PDE7B: variants seen among roughly 807,000 people sequenced by gnomAD.
PDE7B encodes phosphodiesterase 7B.
PDE7B carries 29 observed loss-of-function variants against 56.2 expected under a neutral mutation model. The ratio of observed to expected loss-of-function variants is 0.52; its 90% CI spans 0.38 to 0.70. The LOEUF (loss-of-function observed/expected upper bound fraction) is 0.70. Ranked by LOEUF, PDE7B falls within the 30% of genes least tolerant of loss-of-function variation. The pLI is 0.00. For missense variants in PDE7B, 490 were observed against 565.0 expected (o/e 0.87, Z 1.35); for synonymous variants, 197 against 196.9 (o/e 1.00, Z 0.00).
Position 136,143,668 on chromosome 6 carries a change from T to C in PDE7B, c.167-3683T>C, listed in dbSNP as rs543236879. ...GCTGTTTTCTTCTTTGTTGTAAAGA[T>C]AAAAACAGATCTAAACTTAATATCT... On this transcript the variant is annotated intron_variant, in intron 3 of 12. Transcript: ENST00000308191. Among the ~76,000 whole-genome samples, 360 of 152,222 alleles carry C rather than the reference T, an allele frequency of 2.4e-3. 2 individuals carry two copies. Among genetic ancestry groups the C allele is most frequent in the African/African-American group, 8.1e-3 (337 of 41,558 alleles).
chr6:135,922,438 G>A (rs1200347646), intron 1 of PDE7B, among the ~76,000 whole-genome samples: 1 of 152,128 alleles, frequency 6.6e-6, no homozygotes, highest in Non-Finnish European at 1.5e-5. Context: ...TTATTCATAT[G>A]GAAGTACAGG....
intron 2 of PDE7B, among the ~76,000 whole-genome samples, chr6:135,947,877 A>C (rs1445676061): frequency 2.0e-5 from 3 of 152,090 alleles, no homozygotes; most frequent in African/African-American, 7.2e-5. Context: ...TAGACAAGTA[A>C]ATTATTAAGT....
intron 2 of PDE7B, among the ~76,000 whole-genome samples, chr6:135,979,707 G>C (rs930467438): frequency 5.9e-5 from 9 of 152,064 alleles, no homozygotes; most frequent in Non-Finnish European, 1.0e-4. Flanking sequence ...GCTTCAAAGA[G>C]AATAAAATAC....
intron 2 of PDE7B, among the ~76,000 whole-genome samples, chr6:136,106,493 T>C (rs1777647068): frequency 1.3e-5 from 2 of 152,214 alleles, no homozygotes; most frequent in South Asian, 4.1e-4. Flanking sequence ...CCACTGACTA[T>C]AAGCTGAAAG....
chr6:135,937,884 A>G (rs911924278), intron 1 of PDE7B, among the ~76,000 whole-genome samples: 2 of 152,186 alleles, frequency 1.3e-5, no homozygotes, highest in Non-Finnish European at 2.9e-5. Context: ...TGTGCTTTGT[A>G]TCTTGTACAC....
At chr6:135,929,604 A>G (rs569961386) in intron 1 of PDE7B, among the ~76,000 whole-genome samples, 16 of 152,212 alleles carry the variant, frequency 1.1e-4, no homozygotes, top group African/African-American at 3.4e-4. Context: ...TTTCCTTTTT[A>G]TAATGCAGCT....
At chr6:135,863,690 C>T (rs1176111903) in intron 1 of PDE7B, among the ~76,000 whole-genome samples, 3 of 141,494 alleles carry the variant, frequency 2.1e-5, no homozygotes, top group Non-Finnish European at 4.5e-5. Context: ...ACATCCCTTC[C>T]AATTTTTTTT....
chr6:136,191,980 C>A lies in PDE7B; in HGVS notation c.*140C>A. 7.6e-6 allele frequency: 5 copies of A among 655,282 alleles called. No individual in the cohort carries two copies. The South Asian group carries it at 9.6e-5, about 13-fold the overall frequency. The allele number at this position is 655,282 out of a possible 1,614,324, so 40.6% of individuals were successfully genotyped here. A position where few individuals can be genotyped will look rare whatever the true frequency, so the allele number is the denominator to read the frequency against. ...TCTTTGGAACGCCATCTTCCTCCCA[C>A]TTACCTGCCTCCCCTCCTTTTCGCA... On this transcript the variant is annotated 3_prime_UTR_variant, in exon 13 of 13. Coordinates refer to ENST00000308191, the MANE Select transcript of PDE7B (RefSeq NM_018945.4).
chr6:135,990,677 A>G (rs1249682181), intron 2 of PDE7B, among the ~76,000 whole-genome samples: 3 of 152,210 alleles, frequency 2.0e-5, no homozygotes, highest in Non-Finnish European at 4.4e-5. Flanking sequence ...ATGTTTGAAA[A>G]TTGCTTTAAA....
At chr6:136,081,197 C>T (rs1394757276) in intron 2 of PDE7B, among the ~76,000 whole-genome samples, 1 of 152,026 alleles carries the variant, frequency 6.6e-6, no homozygotes, top group East Asian at 1.9e-4. Flanking sequence ...GAGATTACTG[C>T]AGTATGATTT....
chr6:135,895,712 T>C lies in PDE7B; in HGVS notation c.21+43693T>C, dbSNP rs114758073. 8.5e-3 allele frequency among the ~76,000 whole-genome samples: 1,295 copies of C among 152,196 alleles called. 15 individuals carry two copies. Among genetic ancestry groups the C allele is most frequent in the African/African-American group, 0.029 (1,196 of 41,528 alleles). On this transcript the variant is annotated intron_variant, in intron 1 of 12. Transcript: ENST00000308191. ...AACACTTAAAAGGACCAAGCAGAGC[T>C]TTCTACTTGTAAATAAAGGCTTCTG...
At chr6:136,073,530 T>C (rs1202513786) in intron 2 of PDE7B, among the ~76,000 whole-genome samples, 1 of 152,162 alleles carries the variant, frequency 6.6e-6, no homozygotes, top group Admixed American at 6.5e-5. Context: ...CTTGTAGATG[T>C]CACTTCTATG....
chr6:136,087,544 G>T (rs1280597140), intron 2 of PDE7B, among the ~76,000 whole-genome samples: 1 of 152,050 alleles, frequency 6.6e-6, no homozygotes, highest in Non-Finnish European at 1.5e-5. Flanking sequence ...ATAAAAATGT[G>T]GCCTAGTTAA....
intron 2 of PDE7B, among the ~76,000 whole-genome samples, chr6:135,958,024 G>T (rs1411164060): frequency 1.3e-5 from 2 of 152,120 alleles, no homozygotes; most frequent in Non-Finnish European, 2.9e-5. Context: ...CTGAGCTCAG[G>T]AGTTCAAGAC....
At chr6:136,171,329 A>G (rs1335499475) in intron 8 of PDE7B, among the ~76,000 whole-genome samples, 11 of 152,226 alleles carry the variant, frequency 7.2e-5, no homozygotes, top group African/African-American at 2.4e-4. Flanking sequence ...TGCTGGTCAC[A>G]AAGATTACCG....
chr6:136,109,874 C>T (rs1253205154), intron 3 of PDE7B, among the ~76,000 whole-genome samples: 1 of 152,156 alleles, frequency 6.6e-6, no homozygotes, highest in East Asian at 1.9e-4. Flanking sequence ...GTGTTTGGTT[C>T]TCATATCACT....
intron 2 of PDE7B, among the ~76,000 whole-genome samples, chr6:136,082,987 T>C (rs760273147): frequency 6.6e-6 from 1 of 152,148 alleles, no homozygotes; most frequent in African/African-American, 2.4e-5. Flanking sequence ...GAGGAATTGG[T>C]TTAAAAGGTT....
intron 2 of PDE7B, among the ~76,000 whole-genome samples, chr6:136,026,085 C>A (rs887783351): frequency 6.6e-6 from 1 of 152,142 alleles, no homozygotes. Flanking sequence ...TCAGAGACAG[C>A]GGAGTTGCTG....
At chr6:135,932,990 G>C (rs572425195) in intron 1 of PDE7B, among the ~76,000 whole-genome samples, 1 of 152,160 alleles carries the variant, frequency 6.6e-6, no homozygotes, top group East Asian at 1.9e-4. Context: ...CTGTGTTCTG[G>C]GCGCTGTGCT....
Sources: allele counts gnomAD v4.1 joint callset (sites outside exome capture counted in the v4.1 genomes callset), GRCh38; gene constraint gnomAD v4.1.1; transcripts MANE v1.5; gene names NCBI Gene and HGNC (gene_info 2026-07-23, HGNC 2026-07-21).